The following IPP variants were observed in gnomAD, a reference collection of about 807,000 sequenced individuals.
IPP encodes intracisternal A particle-promoted polypeptide, also known as actin-binding protein IPP.
IPP carries 41 observed loss-of-function variants against 64.1 expected under a neutral mutation model. That is an observed-to-expected ratio of 0.64 (90% CI 0.50 to 0.83). IPP has a LOEUF of 0.83. Among genes scored for constraint, IPP ranks in the 40% least tolerant of loss-of-function variants. The pLI, the probability that IPP is intolerant of heterozygous loss-of-function variation, is 0.00. For synonymous variants in IPP, 214 were observed against 235.2 expected (o/e 0.91, Z 0.83); for missense variants, 649 against 703.0 (o/e 0.92, Z 0.87).
intron 3 of IPP, among the ~76,000 whole-genome samples, chr1:45,737,093 AG>A (rs1447208728): frequency 6.6e-6 from 1 of 151,090 alleles, no homozygotes; most frequent in Non-Finnish European, 1.5e-5. Flanking sequence ...TCCCATTTCT[AG>A]GGGACACTGC....
At chr1:45,732,248 C>T (rs1349532551) in intron 3 of IPP, among the ~76,000 whole-genome samples, 5 of 147,756 alleles carry the variant, frequency 3.4e-5, no homozygotes, top group African/African-American at 1.3e-4. Context: ...GTAATCCCAC[C>T]CACTTGGGAG....
In IPP at chr1:45,699,201, T is replaced by C; in HGVS notation, c.*765A>G. ...GCAAAAAGGTATCTATCTATTAAAA[T>C]AGCTAGATATTTCCCAAACACCCCT... On this transcript the variant is annotated 3_prime_UTR_variant, in exon 9 of 9. Transcript: ENST00000396478. 2.0e-6 allele frequency: 2 copies of C among 985,370 alleles called. No homozygotes were observed. The highest frequency in any genetic ancestry group is 1.2e-6 in the Non-Finnish European group (1 of 829,908). 61.0% of individuals were successfully genotyped at this position (985,370 alleles called of 1,614,324 possible). A position where few individuals can be genotyped will look rare whatever the true frequency, so the allele number is the denominator to read the frequency against.
rs560283726 is a variant in IPP at position 45,699,091 on chromosome 1, G to A, written c.*875C>T. 20 of 985,210 alleles carry A rather than the reference G, an allele frequency of 2.0e-5. No individual in the cohort carries two copies. The South Asian group carries it at 4.7e-4, about 23-fold the overall frequency. The allele number at this position is 985,210 out of a possible 1,614,324, so 61.0% of individuals were successfully genotyped here. On this transcript the variant is annotated 3_prime_UTR_variant, in exon 9 of 9. Transcript: ENST00000396478. ...GACTGTATAGCCCATTACAACATCTGGTCACTAAGAACCTCCTATTAATTC... is the reference window on the plus strand; with the variant it reads ...GACTGTATAGCCCATTACAACATCTAGTCACTAAGAACCTCCTATTAATTC...
chr1:45,750,109 CTA>C (rs1223854994), intron 1 of IPP, among the ~76,000 whole-genome samples: 1 of 152,122 alleles, frequency 6.6e-6, no homozygotes. Flanking sequence ...TAAAGCGGAC[CTA>C]TGTTTGCTGG....
intron 1 of IPP, among the ~76,000 whole-genome samples, chr1:45,748,151 T>TACA (rs1646166479): frequency 6.6e-6 from 1 of 152,182 alleles, no homozygotes; most frequent in Non-Finnish European, 1.5e-5. Flanking sequence ...ATCAACATAT[T>TACA]ACATATAACT....
chr1:45,750,224 G>C (rs1211387104), intron 1 of IPP, among the ~76,000 whole-genome samples: 2 of 152,216 alleles, frequency 1.3e-5, no homozygotes, highest in African/African-American at 4.8e-5. Flanking sequence ...CTTTGTGCTT[G>C]AGTTGGGGGC....
chr1:45,736,271 T>C (rs1471680514), intron 3 of IPP, among the ~76,000 whole-genome samples: 3 of 152,152 alleles, frequency 2.0e-5, no homozygotes, highest in African/African-American at 7.2e-5. Flanking sequence ...GTTGTTTTTA[T>C]ATTTCTGTAT....
chr1:45,750,384 G>A (rs1381910071), intron 1 of IPP, among the ~76,000 whole-genome samples: 1 of 152,224 alleles, frequency 6.6e-6, no homozygotes, highest in Non-Finnish European at 1.5e-5. Flanking sequence ...AGTTGGGGCG[G>A]GGGAGGCAGG....
At chr1:45,732,956 T>C (rs1236072649) in intron 3 of IPP, among the ~76,000 whole-genome samples, 1 of 151,916 alleles carries the variant, frequency 6.6e-6, no homozygotes, top group Admixed American at 6.6e-5. Flanking sequence ...TGAGCCACCG[T>C]GCCCGGCCTT....
intron 5 of IPP, among the ~76,000 whole-genome samples, chr1:45,725,064 T>A (rs1472918736): frequency 7.2e-5 from 3 of 41,446 alleles, no homozygotes; most frequent in Admixed American, 2.3e-4. Flanking sequence ...GGGAGGGAGG[T>A]GGGGGGGTCA....
chr1:45,738,709 G>T (rs996418346), intron 3 of IPP, among the ~76,000 whole-genome samples: 1 of 151,454 alleles, frequency 6.6e-6, no homozygotes, highest in Non-Finnish European at 1.5e-5. Context: ...GCATGGTGGC[G>T]GGCGCCTGTA....
At chr1:45,740,193 AC>A (rs1469513723) in intron 3 of IPP, among the ~76,000 whole-genome samples, 2 of 152,224 alleles carry the variant, frequency 1.3e-5, no homozygotes, top group Non-Finnish European at 2.9e-5. Flanking sequence ...TTAGCACAGA[AC>A]AAAATGAAAA....
chr1:45,713,590 G>A (rs1645620039), intron 8 of IPP, among the ~76,000 whole-genome samples: 1 of 151,912 alleles, frequency 6.6e-6, no homozygotes, highest in Non-Finnish European at 1.5e-5. Context: ...TTTGAGAGAG[G>A]GTCTCTTGCT....
downstream of IPP, chr1:45,697,051 G>A (rs1645393811): frequency 6.6e-6 from 1 of 152,158 alleles, no homozygotes; most frequent in Non-Finnish European, 1.5e-5. Flanking sequence ...AGGCACATGA[G>A]TTATAGCTTA....
At chr1:45,717,135 G>A in intron 6 of IPP, 118 bp from the exon 7 acceptor site, 1 of 876,146 alleles carries the variant, frequency 1.1e-6, no homozygotes, top group Non-Finnish European at 1.7e-6. Context: ...GAGCCAAAGA[G>A]GTTATCTGTT....
chr1:45,720,098 C>G (rs1557746883), intron 5 of IPP, among the ~76,000 whole-genome samples: 1 of 151,682 alleles, frequency 6.6e-6, no homozygotes, highest in Non-Finnish European at 1.5e-5. Flanking sequence ...TTTTTAGAGA[C>G]AGAGTCTGGC....
At position 45,729,646 on chromosome 1, in the gene IPP, C is replaced by A; in HGVS notation, c.848G>T (p.Arg283Leu). ...SFLQTSKVRPRKKARKYLYAV... is the reference protein window; with the variant it reads ...SFLQTSKVRPLKKARKYLYAV... ...ATACAGGTACTTTCTTGCTTTCTTC[C>A]GAGGTCGAACCTTAGATGTCTGCAG... Residue 283 changes from arginine (R) to leucine (L), a missense_variant, in exon 4 of 9, where the codon CGG becomes CTG. Coordinates refer to ENST00000396478, the MANE Select transcript of IPP (RefSeq NM_005897.3). The A allele has an allele frequency of 2.5e-6, 4 of 1,613,124 alleles. No homozygotes were observed. The African/African-American group carries it at 4.0e-5, about 16-fold the overall frequency.
intron 8 of IPP, among the ~76,000 whole-genome samples, chr1:45,702,382 TAGTA>T (rs372024614): frequency 1.5e-4 from 23 of 152,194 alleles, no homozygotes; most frequent in African/African-American, 5.5e-4. Context: ...CACAAATTGT[TAGTA>T]GGTAGTCAAT....
downstream of IPP, chr1:45,697,310 G>C (rs76773048): frequency 8.5e-5 from 13 of 152,278 alleles, no homozygotes; most frequent in African/African-American, 3.1e-4. Context: ...GAACACAGTG[G>C]TATGATCTCA....
Sources: gnomAD v4.1 joint callset for allele counts (sites outside exome capture counted in the v4.1 genomes callset) on GRCh38, gnomAD v4.1.1 for gene constraint, MANE v1.5 for transcripts, NCBI Gene and HGNC (gene_info 2026-07-23, HGNC 2026-07-21) for gene names.